FBXO15: variants seen among roughly 807,000 people sequenced by gnomAD.
FBXO15 encodes the protein F-box protein 15, also known as F-box only protein 15.
In FBXO15, 30 loss-of-function variants were observed where a neutral mutation model predicts 49.5. That is an observed-to-expected ratio of 0.61 (90% confidence interval 0.45 to 0.82). The LOEUF is 0.82. Ranked by LOEUF, FBXO15 falls within the 40% of genes least tolerant of loss-of-function variation. FBXO15 has a pLI of 0.00. For synonymous variants in FBXO15, 250 were observed against 232.7 expected (o/e 1.07, Z -0.68); for missense variants, 591 against 631.5 (o/e 0.94, Z 0.69).
chr18:74,127,764 C>CACTATGTAGTATCTATT (rs1222319490), intron 5 of FBXO15, among the ~76,000 whole-genome samples: 1 of 152,200 alleles, frequency 6.6e-6, no homozygotes, highest in African/African-American at 2.4e-5. Context: ...TAGCATTGGG[C>CACTATGTAGTATCTATT]ACTATGTAGT....
In FBXO15 at chr18:74,129,624, G is replaced by GA. The variant is rs536223754; in HGVS notation, c.576-11dup. On this transcript the variant is annotated splice_polypyrimidine_tract_variant and intron_variant, in intron 4 of 9. Coordinates refer to ENST00000419743, the MANE Select transcript of FBXO15 (RefSeq NM_001142958.2). ...ACCTAAACCAAATATTCTGGAGAAA[G>GA]AAAAAAAAACTAACAATGTTTGCCT... is the stretch of plus-strand genomic sequence containing the variant. 1.0e-3 allele frequency: 1,434 copies of GA among 1,383,654 alleles called. 3 individuals carry two copies. Among genetic ancestry groups the GA allele is most frequent in the African/African-American group, 9.3e-3 (584 of 62,694 alleles). The allele number at this position is 1,383,654 out of a possible 1,614,324, so 85.7% of individuals were successfully genotyped here. A position where few individuals can be genotyped will look rare whatever the true frequency, so the allele number is the denominator to read the frequency against.
In FBXO15 at chr18:74,129,451, T is replaced by C. The variant is rs769573386; in HGVS notation, c.739A>G (p.Met247Val). Residue 247 changes from methionine to valine, a missense_variant, in exon 5 of 10, where the codon ATG becomes GTG. By Grantham distance (21) the Met-to-Val change is conservative. Coordinates refer to ENST00000419743, the MANE Select transcript of FBXO15 (RefSeq NM_001142958.2). Reference sequence around the variant, plus strand: ...TACCAGTCGGTAAAAACTGGTGTCATGCCACATAAATCTAAGGTTGACAAT... The same window carrying C: ...TACCAGTCGGTAAAAACTGGTGTCACGCCACATAAATCTAAGGTTGACAAT... ...ASLSTLDLCG[M>V]TPVFTDWYKT... The C allele has an allele frequency of 1.2e-6, 2 of 1,613,914 alleles. No homozygotes were observed. Among genetic ancestry groups the C allele is most frequent in the Non-Finnish European group, 8.5e-7 (1 of 1,179,978 alleles).
chr18:74,088,925 G>T (rs1912878971), intron 8 of FBXO15, among the ~76,000 whole-genome samples: 1 of 152,062 alleles, frequency 6.6e-6, no homozygotes, highest in Admixed American at 6.6e-5. Flanking sequence ...TCTCATAGAA[G>T]TCTTTCACCT....
intron 8 of FBXO15, among the ~76,000 whole-genome samples, chr18:74,118,139 A>C (rs1176836162): frequency 6.6e-6 from 1 of 151,880 alleles, no homozygotes. Flanking sequence ...CTGAGACTAC[A>C]GGTGCATGTA....
chr18:74,124,078 A>C (rs1431540847), intron 7 of FBXO15, among the ~76,000 whole-genome samples: 1 of 152,140 alleles, frequency 6.6e-6, no homozygotes, highest in African/African-American at 2.4e-5. Flanking sequence ...GCGCCACCTA[A>C]AGACGCGCAA....
chr18:74,128,841 C>T lies in FBXO15; in HGVS notation c.785+564G>A, dbSNP rs143534081. On this transcript the variant is annotated intron_variant, in intron 5 of 9. Transcript: ENST00000419743. ...ATGTGCTGCACACTTAGCTGATCTA[C>T]GCATTTTATAGTGATATCTTTTGAT... Among the ~76,000 whole-genome samples, 1,002 of 152,260 alleles carry T rather than the reference C, an allele frequency of 6.6e-3. 10 individuals carry two copies. Among genetic ancestry groups the T allele is most frequent in the Non-Finnish European group, 6.5e-3 (441 of 68,020 alleles).
intron 2 of FBXO15, 103 bp from the exon 3 acceptor site, chr18:74,135,969 C>T (rs972699044): frequency 2.3e-5 from 19 of 814,886 alleles, no homozygotes; most frequent in African/African-American, 8.7e-5. Flanking sequence ...AATAGAAGGC[C>T]GTAGAGAGAC....
intron 8 of FBXO15, among the ~76,000 whole-genome samples, chr18:74,116,464 C>A (rs1914233034): frequency 6.6e-6 from 1 of 152,076 alleles, no homozygotes; most frequent in African/African-American, 2.4e-5. Context: ...TCCATAAAAT[C>A]CCTTATTCAA....
chr18:74,129,108 G>A (rs1231121705), intron 5 of FBXO15, among the ~76,000 whole-genome samples: 1 of 152,088 alleles, frequency 6.6e-6, no homozygotes, highest in Non-Finnish European at 1.5e-5. Context: ...TTTCTGTTAA[G>A]ATGGTTAAAA....
chr18:74,118,305 G>A (rs1914319231), intron 8 of FBXO15, among the ~76,000 whole-genome samples: 1 of 151,560 alleles, frequency 6.6e-6, no homozygotes, highest in Admixed American at 6.6e-5. Context: ...TCACATAAAG[G>A]TAGGCCAGGG....
chr18:74,096,743 G>A (rs1270901519), intron 8 of FBXO15, among the ~76,000 whole-genome samples: 1 of 151,674 alleles, frequency 6.6e-6, no homozygotes, highest in Non-Finnish European at 1.5e-5. Context: ...AATTCAAAAT[G>A]GTAGTTTTAA....
At chr18:74,108,593 G>A (rs1428499557) in intron 8 of FBXO15, among the ~76,000 whole-genome samples, 1 of 149,140 alleles carries the variant, frequency 6.7e-6, no homozygotes, top group Non-Finnish European at 1.5e-5. Flanking sequence ...TACATGCAAT[G>A]GAAATACCAT....
intron 8 of FBXO15, among the ~76,000 whole-genome samples, chr18:74,115,040 T>A (rs530555507): frequency 1.1e-4 from 16 of 152,254 alleles, no homozygotes; most frequent in Admixed American, 3.9e-4. Context: ...TGAGCAATAT[T>A]TTATGGAATT....
chr18:74,086,815 T>C (rs904268272), intron 8 of FBXO15, among the ~76,000 whole-genome samples: 1 of 152,228 alleles, frequency 6.6e-6, no homozygotes, highest in Admixed American at 6.5e-5. Flanking sequence ...TAAGAATTTG[T>C]TCACAAAGGC....
chr18:74,073,635 G>A lies in FBXO15; in HGVS notation c.1359C>T (p.Pro453=), dbSNP rs778261422. 6.8e-6 allele frequency: 11 copies of A among 1,614,094 alleles called. No homozygotes were observed. The highest frequency in any genetic ancestry group is 8.5e-6 in the Non-Finnish European group (10 of 1,180,038). The change falls in exon 10 of 10, where the codon CCC becomes CCT. Residue 453 remains proline (P), a synonymous_variant. Coordinates refer to ENST00000419743, the MANE Select transcript of FBXO15 (RefSeq NM_001142958.2). ...GTCCCAAGAAGCTAGAGCTGTCAGA[G>A]GGTGTGGCAGGCGATCTCAGGCACA... is the stretch of plus-strand genomic sequence containing the variant. ...SPVCLRSPAT[P]SDSSSFLGQT... is the part of the protein sequence containing the mutation.
intron 7 of FBXO15, among the ~76,000 whole-genome samples, chr18:74,123,899 G>T (rs1440125636): frequency 6.6e-6 from 1 of 151,772 alleles, no homozygotes; most frequent in Non-Finnish European, 1.5e-5. Context: ...CACCCAGGCA[G>T]ACCCAAAGCC....
Position 74,130,404 on chromosome 18 carries a change from C to T in FBXO15, c.575+12G>A, listed in dbSNP as rs760219560. On this transcript the variant is annotated intron_variant, in intron 4 of 9. Transcript: ENST00000419743. ...CTGATGCCATCATTCTCTTTTGGAA[C>T]ACACTGCGTACCTGAGGGCCTCTTT... is the stretch of plus-strand genomic sequence containing the variant. 6.2e-7 allele frequency: 1 copy of T among 1,613,542 alleles called. No individual in the cohort carries two copies. Among genetic ancestry groups the T allele is most frequent in the East Asian group, 2.2e-5 (1 of 44,876 alleles).
At chr18:74,104,769 C>T (rs1184609404) in intron 8 of FBXO15, among the ~76,000 whole-genome samples, 2 of 152,108 alleles carry the variant, frequency 1.3e-5, no homozygotes, top group Admixed American at 6.5e-5. Context: ...AACAGCAGAG[C>T]TCCCAATTAT....
chr18:74,080,054 C>T (rs1342660395), intron 9 of FBXO15, among the ~76,000 whole-genome samples: 3 of 152,024 alleles, frequency 2.0e-5, no homozygotes, highest in Admixed American at 1.3e-4. Context: ...CAGAAGGAGC[C>T]GGGTTTTTAT....
Sources: gnomAD v4.1 joint callset for allele counts (sites outside exome capture counted in the v4.1 genomes callset) on GRCh38, gnomAD v4.1.1 for gene constraint, MANE v1.5 for transcripts, NCBI Gene and HGNC (gene_info 2026-07-23, HGNC 2026-07-21) for gene names.